Variants in IHO1 observed in about 807,000 individuals in gnomAD.
IHO1 encodes the protein interactor of HORMAD1 protein 1.
A neutral mutation model predicts 31.0 loss-of-function variants in IHO1; 13 were observed. The ratio of observed to expected loss-of-function variants is 0.42; its 90% CI spans 0.27 to 0.67. IHO1 has a LOEUF of 0.67. IHO1 is among the 30% of genes least tolerant of loss of function. The probability of loss-of-function intolerance (pLI) is 0.24; values close to 1 mark genes in which losing one functional copy is unlikely to be tolerated. For synonymous variants in IHO1, 221 were observed against 248.4 expected (o/e 0.89, Z 1.04); for missense variants, 599 against 687.5 (o/e 0.87, Z 1.44).
In IHO1 at chr3:49,251,862, G is replaced by A. The variant is rs1039600112; in HGVS notation, c.533-3528G>A. On this transcript the variant is annotated intron_variant, in intron 6 of 7. Coordinates refer to ENST00000452691, the MANE Select transcript of IHO1 (RefSeq NM_001135197.2). ...GCTGATCTGCCCGCGTCGGCCACCCGAAGTGCTGGGATTACGGGCGGAGCT... is the reference window on the plus strand; with the variant it reads ...GCTGATCTGCCCGCGTCGGCCACCCAAAGTGCTGGGATTACGGGCGGAGCT... Among the ~76,000 whole-genome samples, 9 of 151,460 alleles carry A rather than the reference G, an allele frequency of 5.9e-5. No individual in the cohort carries two copies. The East Asian group carries it at 9.7e-4, about 16-fold the overall frequency.
intron 2 of IHO1, among the ~76,000 whole-genome samples, chr3:49,221,324 C>T (rs1055472466): frequency 6.6e-5 from 10 of 151,598 alleles, no homozygotes; most frequent in African/African-American, 4.9e-5. Flanking sequence ...CTGATTAGTG[C>T]GTTTACAATC....
chr3:49,225,422 C>G (rs912858643), intron 2 of IHO1, among the ~76,000 whole-genome samples: 1 of 151,754 alleles, frequency 6.6e-6, no homozygotes, highest in African/African-American at 2.4e-5. Context: ...GAGATTGCGC[C>G]ATCGCATCCC....
intron 2 of IHO1, among the ~76,000 whole-genome samples, chr3:49,224,160 C>G (rs544586864): frequency 6.6e-6 from 1 of 152,334 alleles, no homozygotes; most frequent in Non-Finnish European, 1.5e-5. Context: ...GTTAACCACC[C>G]CGAGGGGAGA....
At position 49,223,444 on chromosome 3, in the gene IHO1, C is replaced by T. The variant is rs1300599072; in HGVS notation, c.56+11608C>T. Among the ~76,000 whole-genome samples, 7 of 152,124 alleles carry T rather than the reference C, an allele frequency of 4.6e-5. No individual in the cohort carries two copies. The East Asian group carries it at 1.2e-3, about 25-fold the overall frequency. ...GTGTGGCTTATGCCTGTAATCCCAG[C>T]ACTTTGGGAGACCGAGGCGGGCGGA... On this transcript the variant is annotated intron_variant, in intron 2 of 7. Coordinates refer to ENST00000452691, the MANE Select transcript of IHO1 (RefSeq NM_001135197.2).
At chr3:49,223,648 G>C (rs1204025417) in intron 2 of IHO1, among the ~76,000 whole-genome samples, 1 of 151,574 alleles carries the variant, frequency 6.6e-6, no homozygotes, top group Non-Finnish European at 1.5e-5. Context: ...CCGAGATCAC[G>C]CCACTGCACT....
chr3:49,248,890 C>G (rs1019131479), intron 6 of IHO1, among the ~76,000 whole-genome samples: 2 of 152,168 alleles, frequency 1.3e-5, no homozygotes, highest in African/African-American at 4.8e-5. Context: ...GAGAGAGGAA[C>G]CAGACAAATC....
intron 1 of IHO1, among the ~76,000 whole-genome samples, chr3:49,211,505 G>A (rs1437025802): frequency 4.6e-5 from 7 of 151,342 alleles, no homozygotes; most frequent in African/African-American, 9.7e-5. Flanking sequence ...GTGTGGTGGC[G>A]GGTGCTTGTA....
At chr3:49,198,520 C>G (rs531034829), upstream of IHO1, 1 of 152,190 alleles carries the variant, frequency 6.6e-6, no homozygotes, top group African/African-American at 2.4e-5. Flanking sequence ...TGATTGCATC[C>G]TGTTTTTGTT....
At chr3:49,218,319 T>G (rs2046314115) in intron 2 of IHO1, among the ~76,000 whole-genome samples, 2 of 151,402 alleles carry the variant, frequency 1.3e-5, no homozygotes, top group South Asian at 4.2e-4. Context: ...CATGTTGAGC[T>G]GAGCCAAGCC....
intron 5 of IHO1, 81 bp downstream of exon 5, chr3:49,244,533 A>G (rs2046672464): frequency 7.8e-7 from 1 of 1,279,850 alleles, no homozygotes; most frequent in African/African-American, 1.5e-5. Context: ...GGCTTTAGTT[A>G]ATGTAGAATA....
intron 2 of IHO1, among the ~76,000 whole-genome samples, chr3:49,228,669 A>G (rs1204909635): frequency 6.6e-6 from 1 of 152,174 alleles, no homozygotes; most frequent in Non-Finnish European, 1.5e-5. Flanking sequence ...TCAGACGTTT[A>G]GATGTCTCTG....
rs13068038 is a variant in IHO1, at chr3:49,256,817, C to A, written c.1320C>A (p.Asp440Glu). 162,373 of 1,614,148 alleles carry A rather than the reference C, an allele frequency of 0.1. 8,600 individuals carry two copies. The highest frequency in any genetic ancestry group is 0.11 in the Non-Finnish European group (127,638 of 1,180,012). Residue 440 changes from aspartate (D) to glutamate (E), a missense_variant, in exon 8 of 8, where the codon GAC becomes GAA. By Grantham distance (45) the Asp-to-Glu change is conservative. Coordinates refer to ENST00000452691, the MANE Select transcript of IHO1 (RefSeq NM_001135197.2). The surrounding 1 kb of genome is among the most constrained non-coding windows in gnomAD (Gnocchi z 4.6). The stretch of plus-strand genomic sequence containing the variant: ...GGACTGTAGAAATGCGGGGGAAAGA[C>A]AAGAAGCAGCAGCCCAGGAAGGCCC... ...KDGTVEMRGKDKKQQPRKAHR... is the reference protein window; with the variant it reads ...KDGTVEMRGKEKKQQPRKAHR...
chr3:49,215,669 AG>A (rs1392442360), intron 2 of IHO1, among the ~76,000 whole-genome samples: 1 of 152,212 alleles, frequency 6.6e-6, no homozygotes, highest in African/African-American at 2.4e-5. Context: ...ATGGGAGCTT[AG>A]CCTCAAATCC....
upstream of IHO1, among the ~76,000 whole-genome samples, chr3:49,197,300 TAAA>T (rs905290475): frequency 6.6e-6 from 1 of 150,972 alleles, no homozygotes; most frequent in Non-Finnish European, 1.5e-5. Context: ...CATTTTTACT[TAAA>T]AAAAATGTGT....
intron 2 of IHO1, among the ~76,000 whole-genome samples, chr3:49,228,030 A>T (rs2046436380): frequency 6.6e-6 from 1 of 152,212 alleles, no homozygotes; most frequent in African/African-American, 2.4e-5. Flanking sequence ...AAGAGAAACT[A>T]GAAAAGCACC....
At chr3:49,202,927 A>G (rs1442675664) in intron 1 of IHO1, among the ~76,000 whole-genome samples, 3 of 145,260 alleles carry the variant, frequency 2.1e-5, no homozygotes, top group Non-Finnish European at 1.5e-5. Context: ...CAGTGGCGCA[A>G]TCTCGGCTCA....
At chr3:49,206,200 A>G (rs2046134407) in intron 1 of IHO1, among the ~76,000 whole-genome samples, 1 of 151,488 alleles carries the variant, frequency 6.6e-6, no homozygotes, top group African/African-American at 2.4e-5. Flanking sequence ...TCCTGACCTC[A>G]TGATCCACCC....
At chr3:49,231,561 G>A (rs1412865492) in intron 2 of IHO1, among the ~76,000 whole-genome samples, 1 of 152,114 alleles carries the variant, frequency 6.6e-6, no homozygotes, top group African/African-American at 2.4e-5. Context: ...GATTCTTCAT[G>A]GTTCATTCCA....
intron 6 of IHO1, among the ~76,000 whole-genome samples, chr3:49,253,983 G>A (rs908142317): frequency 4.0e-5 from 6 of 151,816 alleles, no homozygotes; most frequent in Admixed American, 1.3e-4. Flanking sequence ...ACAGGCACCC[G>A]CCGCCACGCC....
Sources: gnomAD v4.1 joint callset for allele counts (sites outside exome capture counted in the v4.1 genomes callset) on GRCh38, gnomAD v4.1.1 for gene constraint, Gnocchi (gnomAD v3.1) non-coding constraint, MANE v1.5 for transcripts, NCBI Gene and HGNC (gene_info 2026-07-23, HGNC 2026-07-21) for gene names.